The following USP28 variants were observed in gnomAD, a reference collection of about 807,000 sequenced individuals.
USP28 encodes ubiquitin carboxyl-terminal hydrolase 28.
Under a neutral mutation model 145.0 loss-of-function variants are expected in USP28, and 113 were observed. That is an observed-to-expected ratio of 0.78 (90% CI 0.67 to 0.91). The LOEUF (loss-of-function observed/expected upper bound fraction) is 0.91, where lower values mean the gene tolerates loss of function less well. USP28 is among the 40% of genes least tolerant of loss of function. USP28 has a pLI of 0.00. For missense variants in USP28, 1,201 were observed against 1,289.6 expected (o/e 0.93, Z 1.05); for synonymous variants, 447 against 450.9 (o/e 0.99, Z 0.11).
exon 14 of USP28, chr11:113,815,377 C>T (rs1443304148): frequency 3.1e-6 from 5 of 1,613,740 alleles, no homozygotes; most frequent in Non-Finnish European, 4.2e-6. Flanking sequence ...GCTTTCTGTA[C>T]TTGTACTGAG....
At chr11:113,859,815 C>A (rs1044911361) in intron 1 of USP28, among the ~76,000 whole-genome samples, 32 of 152,214 alleles carry the variant, frequency 2.1e-4, no homozygotes, top group African/African-American at 7.2e-4. Flanking sequence ...CAAGAGCCAA[C>A]AGGTTTGCAT....
At chr11:113,817,987 T>C (rs976773697) in intron 12 of USP28, 150 bp from the exon 13 acceptor site, 1 of 719,376 alleles carries the variant, frequency 1.4e-6, no homozygotes, top group Non-Finnish European at 2.1e-6. Context: ...AAACAATCTA[T>C]AGGGTAAAAA....
intron 16 of USP28, among the ~76,000 whole-genome samples, chr11:113,811,684 T>C (rs77641750): frequency 0.096 from 14,390 of 150,132 alleles, 795 homozygotes; most frequent in Middle Eastern, 0.18. Context: ...CAAGACTATG[T>C]CTCAAAAAAA....
At chr11:113,842,440 C>G (rs1313799737) in intron 3 of USP28, among the ~76,000 whole-genome samples, 1 of 151,906 alleles carries the variant, frequency 6.6e-6, no homozygotes, top group African/African-American at 2.4e-5. Context: ...AAAAAATTTG[C>G]CGGGCGTGGT....
At chr11:113,840,790 G>T in intron 4 of USP28, 33 bp from the exon 5 acceptor site, 1 of 1,587,768 alleles carries the variant, frequency 6.3e-7, no homozygotes, top group Non-Finnish European at 8.6e-7. Context: ...CAGCAAAAAA[G>T]AAAATAGTTA....
At chr11:113,815,190 A>T (rs751333001) in exon 14 of USP28, 3 of 1,614,104 alleles carry the variant, frequency 1.9e-6, no homozygotes, top group Non-Finnish European at 2.5e-6. Flanking sequence ...TATCTTGTTC[A>T]ATCTCACTCC....
intron 13 of USP28, 115 bp from the exon 14 acceptor site, chr11:113,815,497 TTAAC>T: frequency 1.0e-6 from 1 of 953,298 alleles, no homozygotes; most frequent in Non-Finnish European, 1.6e-6. Flanking sequence ...TCAGTGAGCA[TTAAC>T]TCTATAAAGG....
rs887868831 is a variant in USP28, at chr11:113,826,968, C to T, written c.1187+265G>A. ...CTATAATGTAAGTCTGCTAGGAGCA[C>T]CCCCACCCCCAGAATTCAGGTAGTT... is the stretch of plus-strand genomic sequence containing the variant. On this transcript the variant is annotated intron_variant, in intron 11 of 24. Coordinates refer to ENST00000003302, the Ensembl canonical transcript of USP28. Among the ~76,000 whole-genome samples, 2 of 151,300 alleles carry T rather than the reference C, an allele frequency of 1.3e-5. 1 individual carries two copies.
At chr11:113,844,467 G>A (rs1430705987) in intron 3 of USP28, among the ~76,000 whole-genome samples, 1 of 151,030 alleles carries the variant, frequency 6.6e-6, no homozygotes. Flanking sequence ...AAAAAGAAGA[G>A]ACAACTCATA....
chr11:113,859,029 T>C (rs903227005), intron 1 of USP28, among the ~76,000 whole-genome samples: 1 of 152,232 alleles, frequency 6.6e-6, no homozygotes, highest in Non-Finnish European at 1.5e-5. Context: ...CTAACATTTA[T>C]TGAACAACTA....
chr11:113,812,598 A>AT, intron 15 of USP28, 94 bp from the exon 16 acceptor site: 1 of 1,093,698 alleles, frequency 9.1e-7, no homozygotes, highest in African/African-American at 1.6e-5. Flanking sequence ...GATGTGATTA[A>AT]TGTGGGGTTC....
At chr11:113,799,541 A>G (rs1938554229) in intron 24 of USP28, 126 bp from the exon 26 acceptor site, 1 of 1,108,760 alleles carries the variant, frequency 9.0e-7, no homozygotes, top group Admixed American at 3.0e-5. Context: ...AGTTACTAAT[A>G]AATGATTATT....
At chr11:113,803,347 AC>A (rs1939385591) in intron 22 of USP28, 66 bp from the exon 24 acceptor site, 1 of 1,475,834 alleles carries the variant, frequency 6.8e-7, no homozygotes, top group Admixed American at 2.4e-5. Context: ...CTTAGACCTC[AC>A]TTTTCCCCAT....
At chr11:113,875,539 C>G (rs1248661276) in exon 1 of USP28, 4 of 1,137,352 alleles carry the variant, frequency 3.5e-6, no homozygotes, top group African/African-American at 1.6e-5. Context: ...GGTCTCCCGC[C>G]GCAGCCGCCG....
intron 3 of USP28, 69 bp downstream of exon 3, chr11:113,852,432 T>C: frequency 6.3e-7 from 1 of 1,586,596 alleles, no homozygotes; most frequent in Non-Finnish European, 8.6e-7. Flanking sequence ...GACAGGGAAC[T>C]CACATATACT....
At chr11:113,811,240 ACT>A (rs1158882456) in intron 16 of USP28, among the ~76,000 whole-genome samples, 1 of 152,276 alleles carries the variant, frequency 6.6e-6, no homozygotes, top group East Asian at 1.9e-4. Flanking sequence ...ACATTTTCAA[ACT>A]CTTTCCCTCC....
exon 25 of USP28, chr11:113,799,196 G>A (rs759690349): frequency 6.3e-7 from 1 of 1,583,194 alleles, no homozygotes; most frequent in African/African-American, 1.4e-5. Flanking sequence ...CTGTGCAAGA[G>A]GCAGGCAGCC....
intron 5 of USP28, among the ~76,000 whole-genome samples, chr11:113,839,565 CTAAA>C (rs1202652644): frequency 1.3e-5 from 2 of 151,988 alleles, no homozygotes; most frequent in Admixed American, 6.6e-5. Flanking sequence ...AAATGAATAA[CTAAA>C]TAAATAATAA....
intron 9 of USP28, among the ~76,000 whole-genome samples, chr11:113,830,274 C>T (rs974486899): frequency 1.3e-5 from 2 of 152,040 alleles, no homozygotes; most frequent in African/African-American, 4.8e-5. Flanking sequence ...GTTTAAAATG[C>T]TATTTTTCAG....
Sources: gnomAD v4.1 joint callset for allele counts (sites outside exome capture counted in the v4.1 genomes callset) on GRCh38, gnomAD v4.1.1 for gene constraint, MANE v1.5 for transcripts, NCBI Gene and HGNC (gene_info 2026-07-23, HGNC 2026-07-21) for gene names.